VPS13B: variants seen among roughly 807,000 people sequenced by gnomAD.
VPS13B encodes the protein intermembrane lipid transfer protein VPS13B.
Under a neutral mutation model 426.4 loss-of-function variants are expected in VPS13B, and 285 were observed. The ratio of observed to expected loss-of-function variants is 0.67; its 90% confidence interval spans 0.61 to 0.74. The LOEUF (loss-of-function observed/expected upper bound fraction) is 0.74, where lower values mean the gene tolerates loss of function less well. VPS13B is among the 30% of genes least tolerant of loss of function. The pLI is 0.00. For missense variants in VPS13B, 4,537 were observed against 4,782.6 expected (o/e 0.95, Z 1.51); for synonymous variants, 1,676 against 1,676.4 (o/e 1.00, Z 0.01).
At chr8:99,715,378 T>C (rs759523642) in intron 36 of VPS13B, among the ~76,000 whole-genome samples, 1 of 152,192 alleles carries the variant, frequency 6.6e-6, no homozygotes, top group Non-Finnish European at 1.5e-5. Flanking sequence ...GGTTGAAAAT[T>C]GTGTGATCTT....
At chr8:99,833,670 G>T (rs1815213269) in intron 52 of VPS13B, among the ~76,000 whole-genome samples, 1 of 152,000 alleles carries the variant, frequency 6.6e-6, no homozygotes, top group Non-Finnish European at 1.5e-5. Context: ...GGTGTTTTTT[G>T]AAAGCTATAT....
intron 35 of VPS13B, among the ~76,000 whole-genome samples, chr8:99,686,178 C>G (rs746804974): frequency 1.7e-4 from 26 of 152,192 alleles, no homozygotes; most frequent in Non-Finnish European, 2.1e-4. Context: ...CAGGCAGAGA[C>G]TCTTGTTTTC....
At chr8:99,221,942 G>A (rs1335137064) in intron 17 of VPS13B, among the ~76,000 whole-genome samples, 1 of 152,130 alleles carries the variant, frequency 6.6e-6, no homozygotes, top group African/African-American at 2.4e-5. Context: ...GAAACAAAAT[G>A]CAATTTTCAG....
At chr8:99,697,973 A>G (rs1324121215) in intron 35 of VPS13B, 1 of 409,294 alleles carries the variant, frequency 2.4e-6, no homozygotes, top group Non-Finnish European at 4.7e-6. Context: ...AGAAGAGAAG[A>G]TGGAGGAGAA....
intron 3 of VPS13B, among the ~76,000 whole-genome samples, chr8:99,051,671 G>T (rs185556536): frequency 6.6e-6 from 1 of 152,164 alleles, no homozygotes; most frequent in Non-Finnish European, 1.5e-5. Context: ...AGCATGCAAT[G>T]TTCTTCCATT....
intron 30 of VPS13B, chr8:99,527,760 TA>T (rs1184340094): frequency 1.3e-5 from 2 of 152,144 alleles, no homozygotes. Context: ...TTAGAGATTA[TA>T]AACAAACGAG....
intron 43 of VPS13B, among the ~76,000 whole-genome samples, chr8:99,794,616 T>C (rs1484941142): frequency 6.6e-6 from 1 of 152,220 alleles, no homozygotes; most frequent in Non-Finnish European, 1.5e-5. Context: ...CACCTTGTAG[T>C]TTTCCCAGCC....
intron 33 of VPS13B, among the ~76,000 whole-genome samples, chr8:99,628,108 G>T (rs1040368562): frequency 2.6e-5 from 4 of 152,156 alleles, no homozygotes; most frequent in African/African-American, 7.2e-5. Flanking sequence ...TTTTAACTCC[G>T]TGTCGACTAA....
intron 58 of VPS13B, among the ~76,000 whole-genome samples, chr8:99,866,971 G>A (rs1253049870): frequency 2.6e-5 from 4 of 152,230 alleles, no homozygotes; most frequent in Non-Finnish European, 5.9e-5. Context: ...TCTGTAGAAG[G>A]TTTGGCAGCA....
chr8:99,197,064 G>T (rs2132743133), intron 17 of VPS13B, among the ~76,000 whole-genome samples: 1 of 152,226 alleles, frequency 6.6e-6, no homozygotes, highest in East Asian at 1.9e-4. Context: ...TGCCTTTTCT[G>T]CATCTATTGA....
chr8:99,805,481 C>T (rs1813354385), intron 43 of VPS13B, among the ~76,000 whole-genome samples: 1 of 152,054 alleles, frequency 6.6e-6, no homozygotes, highest in South Asian at 2.1e-4. Flanking sequence ...TTTCTTTCCT[C>T]TTAAATATAT....
intron 17 of VPS13B, chr8:99,233,377 CG>C (rs1816454765): frequency 2.8e-6 from 3 of 1,066,798 alleles, no homozygotes; most frequent in Middle Eastern, 5.9e-4. Flanking sequence ...CCCGAAGATC[CG>C]TCCCTGGGCC....
At chr8:99,756,739 C>T (rs564112349) in intron 39 of VPS13B, among the ~76,000 whole-genome samples, 14 of 152,308 alleles carry the variant, frequency 9.2e-5, no homozygotes, top group African/African-American at 3.4e-4. Context: ...AATGAAGTAA[C>T]TATAAATGAC....
intron 40 of VPS13B, among the ~76,000 whole-genome samples, chr8:99,770,561 A>G (rs1445957509): frequency 2.0e-5 from 3 of 152,196 alleles, no homozygotes; most frequent in Admixed American, 2.0e-4. Context: ...TCTTAGGCCA[A>G]AAGAAGCCAG....
chr8:99,790,265 G>T (rs956915083), intron 43 of VPS13B, among the ~76,000 whole-genome samples: 1 of 152,058 alleles, frequency 6.6e-6, no homozygotes, highest in Admixed American at 6.6e-5. Flanking sequence ...ACCATCACAT[G>T]CTACACCATG....
At chr8:99,114,134 A>C (rs1243787613) in intron 6 of VPS13B, among the ~76,000 whole-genome samples, 1 of 132,458 alleles carries the variant, frequency 7.5e-6, no homozygotes, top group Non-Finnish European at 1.6e-5. Flanking sequence ...GATTTGTATA[A>C]TTGCAAATAT....
chr8:99,681,703 T>G (rs997913157), intron 35 of VPS13B, among the ~76,000 whole-genome samples: 6 of 152,182 alleles, frequency 3.9e-5, no homozygotes, highest in African/African-American at 1.4e-4. Flanking sequence ...AGCAACTGTT[T>G]GGGAATACAT....
intron 54 of VPS13B, among the ~76,000 whole-genome samples, chr8:99,844,461 G>A (rs1262321447): frequency 1.3e-5 from 2 of 149,708 alleles, no homozygotes; most frequent in Non-Finnish European, 1.5e-5. Flanking sequence ...TCCGCCTCCC[G>A]GGTTCAAGTG....
At chr8:99,451,337 A>G (rs1291938793) in intron 23 of VPS13B, among the ~76,000 whole-genome samples, 2 of 152,024 alleles carry the variant, frequency 1.3e-5, no homozygotes, top group African/African-American at 4.8e-5. Context: ...TATTTGTCCC[A>G]TTCATTCAAC....
Sources: allele counts gnomAD v4.1 joint callset (sites outside exome capture counted in the v4.1 genomes callset), GRCh38; gene constraint gnomAD v4.1.1; transcripts MANE v1.5; gene names NCBI Gene and HGNC (gene_info 2026-07-23, HGNC 2026-07-21).